The following UMAD1 variants were observed in gnomAD, a reference collection of about 807,000 sequenced individuals.
The protein encoded by UMAD1 is UBAP1-MVB12-associated (UMA) domain containing 1.
UMAD1 carries 8 observed loss-of-function variants against 6.1 expected under a neutral mutation model. The ratio of observed to expected loss-of-function variants is 1.30; its 90% CI spans 0.76 to 2.35. The LOEUF (loss-of-function observed/expected upper bound fraction) is 2.35. Ranked by LOEUF, UMAD1 falls within the 30% of genes most tolerant of loss-of-function variation. The pLI is 0.00. For missense variants in UMAD1, 130 were observed against 78.4 expected (o/e 1.66, Z -2.49); for synonymous variants, 56 against 31.4 (o/e 1.78, Z -2.61).
chr7:7,853,757 G>A (rs1783963036), intron 3 of UMAD1, among the ~76,000 whole-genome samples: 1 of 152,088 alleles, frequency 6.6e-6, no homozygotes, highest in Non-Finnish European at 1.5e-5. Flanking sequence ...CATAGAGATA[G>A]TTTTCCTTCT....
At chr7:7,851,551 C>T (rs561920911) in intron 3 of UMAD1, among the ~76,000 whole-genome samples, 1 of 152,268 alleles carries the variant, frequency 6.6e-6, no homozygotes, top group South Asian at 2.1e-4. Flanking sequence ...TTCTCCACAT[C>T]CTGACCAGAA....
At chr7:7,666,184 T>TGTTTG (rs1779450754) in intron 1 of UMAD1, among the ~76,000 whole-genome samples, 1 of 150,202 alleles carries the variant, frequency 6.7e-6, no homozygotes, top group African/African-American at 2.5e-5. Context: ...GGAAAGTGTT[T>TGTTTG]TTTGTTTGTT....
chr7:7,667,349 A>G (rs752038341), intron 1 of UMAD1, among the ~76,000 whole-genome samples: 17 of 152,248 alleles, frequency 1.1e-4, no homozygotes, highest in Admixed American at 8.5e-4. Flanking sequence ...ATTCTTGGGA[A>G]CTCCAGGCGG....
chr7:7,670,977 A>T (rs1779591096), intron 1 of UMAD1, among the ~76,000 whole-genome samples: 1 of 151,920 alleles, frequency 6.6e-6, no homozygotes, highest in Non-Finnish European at 1.5e-5. Flanking sequence ...CCCTGTTGGA[A>T]TTTTTTCCTT....
At chr7:7,668,057 C>A (rs538084144) in intron 1 of UMAD1, among the ~76,000 whole-genome samples, 1 of 152,084 alleles carries the variant, frequency 6.6e-6, no homozygotes, top group Non-Finnish European at 1.5e-5. Flanking sequence ...GCTGGGACCA[C>A]AGGCACACAC....
intron 3 of UMAD1, among the ~76,000 whole-genome samples, chr7:7,828,520 C>G (rs958629162): frequency 2.6e-5 from 4 of 152,302 alleles, no homozygotes; most frequent in African/African-American, 7.2e-5. Flanking sequence ...GCCCCTGGTC[C>G]CGAGCTTCTT....
At chr7:7,815,029 G>A (rs1783097723) in intron 3 of UMAD1, among the ~76,000 whole-genome samples, 1 of 152,106 alleles carries the variant, frequency 6.6e-6, no homozygotes, top group South Asian at 2.1e-4. Flanking sequence ...TTCAATCCTA[G>A]ATATGCTTTT....
intron 2 of UMAD1, among the ~76,000 whole-genome samples, chr7:7,745,136 T>C (rs940896954): frequency 3.3e-5 from 5 of 152,244 alleles, no homozygotes; most frequent in African/African-American, 1.2e-4. Flanking sequence ...GAACTATTCT[T>C]ACTATTCATT....
At chr7:7,789,611 A>G (rs78687240) in intron 2 of UMAD1, among the ~76,000 whole-genome samples, 38,303 of 124,884 alleles carry the variant, frequency 0.31, 6,806 homozygotes, top group African/African-American at 0.52. Context: ...TAAACAAAAT[A>G]CCCCTTCTCC....
chr7:7,678,776 AAT>A (rs373685552), intron 2 of UMAD1, among the ~76,000 whole-genome samples: 1,728 of 13,600 alleles, frequency 0.13, 10 homozygotes, highest in Non-Finnish European at 0.16. Context: ...TTAGTTTATA[AAT>A]ATATTTATAT....
At chr7:7,834,698 C>T (rs1405845729) in intron 3 of UMAD1, among the ~76,000 whole-genome samples, 1 of 151,976 alleles carries the variant, frequency 6.6e-6, no homozygotes, top group African/African-American at 2.4e-5. Flanking sequence ...ATGAATTTCT[C>T]TTACCCTAAT....
At chr7:7,680,633 A>G (rs998585457) in intron 2 of UMAD1, among the ~76,000 whole-genome samples, 1 of 152,046 alleles carries the variant, frequency 6.6e-6, no homozygotes. Flanking sequence ...TTTGGGTAGT[A>G]TGGACATTTT....
chr7:7,761,480 A>G (rs1241987171), intron 2 of UMAD1, among the ~76,000 whole-genome samples: 1 of 152,120 alleles, frequency 6.6e-6, no homozygotes, highest in Non-Finnish European at 1.5e-5. Context: ...ATTATTAAAG[A>G]TATGTCTTTG....
chr7:7,676,892 T>C (rs1779754675), intron 2 of UMAD1, among the ~76,000 whole-genome samples: 2 of 152,222 alleles, frequency 1.3e-5, no homozygotes, highest in African/African-American at 4.8e-5. Flanking sequence ...TCAGGTAAAC[T>C]CTTTTTTAAA....
chr7:7,871,051 A>G (rs1784322921), intron 3 of UMAD1, among the ~76,000 whole-genome samples: 1 of 152,132 alleles, frequency 6.6e-6, no homozygotes, highest in South Asian at 2.1e-4. Context: ...CTCACAGACA[A>G]TTTTTCACTG....
intron 3 of UMAD1, among the ~76,000 whole-genome samples, chr7:7,865,434 C>T (rs1340468121): frequency 6.6e-6 from 1 of 152,130 alleles, no homozygotes; most frequent in Admixed American, 6.5e-5. Flanking sequence ...TATAGACCCA[C>T]CAACTAGGTA....
chr7:7,718,894 A>T (rs553369332), intron 2 of UMAD1, among the ~76,000 whole-genome samples: 92 of 152,266 alleles, frequency 6.0e-4, no homozygotes, highest in Admixed American at 3.7e-3. Flanking sequence ...GGGGAAATGT[A>T]TGTGTGTTTT....
intron 2 of UMAD1, among the ~76,000 whole-genome samples, chr7:7,755,135 A>G (rs1781753069): frequency 6.6e-6 from 1 of 152,060 alleles, no homozygotes; most frequent in African/African-American, 2.4e-5. Flanking sequence ...CTGTTTTCTC[A>G]CTGCTATTTT....
intron 2 of UMAD1, among the ~76,000 whole-genome samples, chr7:7,727,448 T>A (rs1236546481): frequency 2.6e-5 from 4 of 152,212 alleles, no homozygotes; most frequent in African/African-American, 4.8e-5. Flanking sequence ...GAAAATTATA[T>A]ATGATCTCAG....
Sources: gnomAD v4.1 joint callset for allele counts (sites outside exome capture counted in the v4.1 genomes callset) on GRCh38, gnomAD v4.1.1 for gene constraint, MANE v1.5 for transcripts, NCBI Gene and HGNC (gene_info 2026-07-23, HGNC 2026-07-21) for gene names.